PNPT1: variants seen among roughly 807,000 people sequenced by gnomAD.
PNPT1 encodes polyribonucleotide nucleotidyltransferase 1, also known as polyribonucleotide nucleotidyltransferase 1, mitochondrial.
PNPT1 carries 53 observed loss-of-function variants against 119.5 expected under a neutral mutation model. The ratio of observed to expected loss-of-function variants is 0.44; its 90% CI spans 0.36 to 0.56. The LOEUF is 0.56. Among genes scored for constraint, PNPT1 ranks in the 20% least tolerant of loss-of-function variants. The pLI, the probability that PNPT1 is intolerant of heterozygous loss-of-function variation, is 0.00. For synonymous variants in PNPT1, 357 were observed against 322.1 expected, an observed-to-expected ratio of 1.11 and a Z score of -1.16; for missense variants, 948 against 938.5, an observed-to-expected ratio of 1.01 and a Z score of -0.13.
intron 15 of PNPT1, among the ~76,000 whole-genome samples, chr2:55,657,847 G>C (rs1001083037): frequency 4.6e-5 from 2 of 43,818 alleles, no homozygotes; most frequent in Non-Finnish European, 9.5e-5. Context: ...GGCTTCAATA[G>C]ATAGACTGCA....
At chr2:55,640,376 T>C (rs529931990) in intron 26 of PNPT1, among the ~76,000 whole-genome samples, 1 of 152,320 alleles carries the variant, frequency 6.6e-6, no homozygotes, top group South Asian at 2.1e-4. Context: ...ATGGTCTCCA[T>C]TTCTTGACCT....
rs1697403339 is a variant in PNPT1 at position 55,686,296 on chromosome 2, C to A, written c.297+74G>T. On this transcript the variant is annotated intron_variant, in intron 3 of 27. Coordinates refer to ENST00000447944, the MANE Select transcript of PNPT1 (RefSeq NM_033109.5). ...GTTTGTATTTTCCACTCACTAGACA[C>A]TGGACAAAAATATTATACATTCTAC... The A allele has an allele frequency of 6.3e-6, 9 of 1,420,020 alleles. No homozygotes were observed. The East Asian group carries it at 1.6e-4, about 26-fold the overall frequency. The allele number at this position is 1,420,020 out of a possible 1,614,324, so 88.0% of individuals were successfully genotyped here. A position where few individuals can be genotyped will look rare whatever the true frequency, so the allele number is the denominator to read the frequency against.
Position 55,668,890 on chromosome 2 carries a change from G to C in PNPT1, c.977-932C>G, listed in dbSNP as rs572338833. 2.6e-4 allele frequency among the ~76,000 whole-genome samples: 39 copies of C among 152,332 alleles called. No homozygotes were observed. The South Asian group carries it at 7.9e-3, about 31-fold the overall frequency. Reference sequence around the variant, plus strand: ...GCTGGGATTACAGGCGTGAGCCACTGTGCCCGGCCTAACTGACAGTTTTAA... The same window carrying C: ...GCTGGGATTACAGGCGTGAGCCACTCTGCCCGGCCTAACTGACAGTTTTAA... On this transcript the variant is annotated intron_variant, in intron 11 of 27. Transcript: ENST00000447944.
Position 55,643,143 on chromosome 2 carries a change from A to G in PNPT1, c.2069+15T>C, listed in dbSNP as rs1695885118. On this transcript the variant is annotated intron_variant, in intron 25 of 27. Transcript: ENST00000447944. ...GAAAGGAAAATGCTCAGCATAGTAT[A>G]TTACTTGATATTACCTGATTTCAGT... 1.2e-6 allele frequency: 2 copies of G among 1,613,192 alleles called. No homozygotes were observed. Among genetic ancestry groups the G allele is most frequent in the Non-Finnish European group, 1.7e-6 (2 of 1,179,174 alleles).
chr2:55,693,745 C>G lies in PNPT1; in HGVS notation c.79G>C (p.Asp27His). Residue 27 changes from aspartate (D) to histidine (H), a missense_variant, in exon 1 of 28, where the codon GAT becomes CAT. Coordinates refer to ENST00000447944, the MANE Select transcript of PNPT1 (RefSeq NM_033109.5). ...ACTTGCAACTGGGTGAGTGCCCGATCCCGCCGTGGCAGAAGGAAAGGACCA... is the reference window on the plus strand; with the variant it reads ...ACTTGCAACTGGGTGAGTGCCCGATGCCGCCGTGGCAGAAGGAAAGGACCA... Reference protein sequence around the residue: ...SDGPFLLPRRDRALTQLQVRA... With the variant: ...SDGPFLLPRRHRALTQLQVRA... 1 of 1,614,216 alleles carries G rather than the reference C, an allele frequency of 6.2e-7. No individual in the cohort carries two copies. Among genetic ancestry groups the G allele is most frequent in the Non-Finnish European group, 8.5e-7 (1 of 1,180,052 alleles).
Position 55,635,970 on chromosome 2 carries a change from CA to C in PNPT1, c.*266del, listed in dbSNP as rs1695658076. ...TTCATATATTTCAGAATTGTAAAAA[CA>C]AAACTATGTAATTTTTTCTAAGATG... On this transcript the variant is annotated 3_prime_UTR_variant, in exon 28 of 28. Transcript: ENST00000447944. The C allele has an allele frequency of 1.6e-5, 3 of 182,482 alleles. No homozygotes were observed. The highest frequency in any genetic ancestry group is 7.5e-5 in the African/African-American group (3 of 39,818). 11.3% of individuals were successfully genotyped at this position (182,482 alleles called of 1,614,324 possible). A position where few individuals can be genotyped will look rare whatever the true frequency, so the allele number is the denominator to read the frequency against.
At chr2:55,686,323 C>T in intron 3 of PNPT1, 47 bp downstream of exon 3, 2 of 1,528,758 alleles carry the variant, frequency 1.3e-6, no homozygotes, top group Non-Finnish European at 1.8e-6. Flanking sequence ...ACATTCTACA[C>T]TTTACTCAGA....
At chr2:55,650,137 T>TCTCCACCTCTAC (rs910338871) in intron 18 of PNPT1, among the ~76,000 whole-genome samples, 1 of 121,452 alleles carries the variant, frequency 8.2e-6, no homozygotes, top group African/African-American at 2.8e-5. Context: ...TCTCTCCCTC[T>TCTCCACCTCTAC]CTCCACCTCT....
chr2:55,661,854 CA>C, intron 14 of PNPT1, 101 bp downstream of exon 14: 1 of 1,113,318 alleles, frequency 9.0e-7, no homozygotes, highest in Non-Finnish European at 1.2e-6. Context: ...TACAAAAACA[CA>C]GGTTAAAAAA....
chr2:55,678,184 G>A (rs758033370), intron 8 of PNPT1, among the ~76,000 whole-genome samples: 8 of 152,062 alleles, frequency 5.3e-5, no homozygotes, highest in East Asian at 1.9e-4. Flanking sequence ...ATAAACAAAC[G>A]CTGTAACTTT....
chr2:55,673,133 A>G (rs1214238780), intron 8 of PNPT1, 54 bp from the exon 9 acceptor site: 4 of 1,376,698 alleles, frequency 2.9e-6, no homozygotes, highest in South Asian at 1.5e-5. Context: ...TCTTAGTAAT[A>G]TAACATTTTC....
At position 55,644,661 on chromosome 2, in the gene PNPT1, A is replaced by G; in HGVS notation, c.1882T>C (p.Leu628=). The G allele has an allele frequency of 1.2e-6, 2 of 1,611,756 alleles. No individual in the cohort carries two copies. Among genetic ancestry groups the G allele is most frequent in the Non-Finnish European group, 1.7e-6 (2 of 1,178,186 alleles). The change falls in exon 23 of 28, where the codon TTA becomes CTA. Residue 628 remains leucine, a synonymous_variant. Transcript: ENST00000447944. ...CCTGTTTCAGCCTGAAGTTTTTTTA[A>G]GTTATAGCCACCAGGTCCAACAAAT... ...AKFVGPGGYN[L]KKLQAETGVT...
intron 17 of PNPT1, 108 bp downstream of exon 17, chr2:55,656,023 C>A (rs1178370741): frequency 2.2e-6 from 3 of 1,358,770 alleles, no homozygotes; most frequent in Non-Finnish European, 2.9e-6. Context: ...TTGCAACAAA[C>A]TTGGGTTCTG....
intron 11 of PNPT1, among the ~76,000 whole-genome samples, chr2:55,670,197 A>ATT (rs1054553542): frequency 6.7e-6 from 1 of 150,222 alleles, no homozygotes; most frequent in African/African-American, 2.4e-5. Flanking sequence ...TTATTTATTT[A>ATT]TTTTTTTGAG....
chr2:55,677,684 G>C (rs1336575168), intron 8 of PNPT1, among the ~76,000 whole-genome samples: 1 of 149,880 alleles, frequency 6.7e-6, no homozygotes, highest in Admixed American at 6.7e-5. Context: ...CTCTAAGGTA[G>C]ATAGTGGCTA....
chr2:55,644,684 A>T lies in PNPT1; in HGVS notation c.1859T>A (p.Phe620Tyr). 1 of 1,612,830 alleles carries T rather than the reference A, an allele frequency of 6.2e-7. No individual in the cohort carries two copies. The highest frequency in any genetic ancestry group is 8.5e-7 in the Non-Finnish European group (1 of 1,179,110). The change falls in exon 23 of 28, where the codon TTT (phenylalanine) becomes TAT (tyrosine). Residue 620 changes from phenylalanine (F) to tyrosine (Y), a missense_variant. By Grantham distance (22) the Phe-to-Tyr change is conservative. Coordinates refer to ENST00000447944, the MANE Select transcript of PNPT1 (RefSeq NM_033109.5). ...TAAGTTATAGCCACCAGGTCCAACA[A>T]ATTTTGCTCGTTTTGATAATGGAAC... ...VQVPLSKRAK[F>Y]VGPGGYNLKK...
At chr2:55,641,766 T>C (rs1438485209) in intron 25 of PNPT1, among the ~76,000 whole-genome samples, 3 of 152,218 alleles carry the variant, frequency 2.0e-5, no homozygotes, top group Non-Finnish European at 4.4e-5. Context: ...ATTTCCTTTT[T>C]CTTAAAAGAG....
intron 1 of PNPT1, 142 bp from the exon 2 acceptor site, chr2:55,687,847 G>C: frequency 1.7e-6 from 1 of 578,338 alleles, no homozygotes; most frequent in South Asian, 2.5e-5. Context: ...CAGAATCCAT[G>C]ATCATTATCA....
chr2:55,692,220 A>C (rs1480012002), intron 1 of PNPT1, among the ~76,000 whole-genome samples: 2 of 152,074 alleles, frequency 1.3e-5, no homozygotes, highest in Non-Finnish European at 2.9e-5. Context: ...TTGTAAACAC[A>C]TACACACAGT....
Sources: gnomAD v4.1 joint callset for allele counts (sites outside exome capture counted in the v4.1 genomes callset) on GRCh38, gnomAD v4.1.1 for gene constraint, MANE v1.5 for transcripts, NCBI Gene and HGNC (gene_info 2026-07-23, HGNC 2026-07-21) for gene names.